KANK1: variants seen among roughly 807,000 people sequenced by gnomAD.
The protein encoded by KANK1 is KN motif and ankyrin repeat domain-containing protein 1.
Under a neutral mutation model 106.2 loss-of-function variants are expected in KANK1, and 109 were observed. That is an observed-to-expected ratio of 1.03 (90% CI 0.88 to 1.20). The LOEUF is 1.20. KANK1 is among the 50% of genes most tolerant of loss of function. The pLI is 0.00. For synonymous variants in KANK1, 873 were observed against 652.2 expected (o/e 1.34, Z -5.16); for missense variants, 2,399 against 1,710.7 (o/e 1.40, Z -7.10).
At chr9:596,223 T>C (rs907129015) in intron 1 of KANK1, among the ~76,000 whole-genome samples, 1 of 151,912 alleles carries the variant, frequency 6.6e-6, no homozygotes, top group Non-Finnish European at 1.5e-5. Flanking sequence ...GGAGCATTTC[T>C]ATTTCAGATT....
At chr9:727,382 C>G (rs1227823742) in intron 3 of KANK1, among the ~76,000 whole-genome samples, 1 of 151,782 alleles carries the variant, frequency 6.6e-6, no homozygotes, top group African/African-American at 2.4e-5. Flanking sequence ...GTGGGACGAT[C>G]TTGGCTCACT....
intron 1 of KANK1, among the ~76,000 whole-genome samples, chr9:641,086 T>C (rs553992957): frequency 2.8e-4 from 43 of 152,270 alleles, no homozygotes; most frequent in Non-Finnish European, 5.4e-4. Context: ...CCAAGAGCCA[T>C]GTTGATAGCC....
intron 1 of KANK1, among the ~76,000 whole-genome samples, chr9:579,636 C>T (rs897912870): frequency 1.1e-4 from 16 of 152,180 alleles, no homozygotes; most frequent in Admixed American, 7.2e-4. Context: ...GTCCAGTGAG[C>T]CATGGTGGGG....
At chr9:580,629 A>G (rs1821835371) in intron 1 of KANK1, among the ~76,000 whole-genome samples, 1 of 152,140 alleles carries the variant, frequency 6.6e-6, no homozygotes, top group African/African-American at 2.4e-5. Context: ...CAGAGTGCTG[A>G]TTGGTGTATT....
chr9:572,448 A>G (rs1389651073), intron 1 of KANK1, among the ~76,000 whole-genome samples: 2 of 152,116 alleles, frequency 1.3e-5, no homozygotes, highest in Non-Finnish European at 2.9e-5. Context: ...GCTACTCGGG[A>G]AGCTGAGACA....
chr9:704,650 T>A (rs1482980369), intron 2 of KANK1, among the ~76,000 whole-genome samples: 1 of 152,138 alleles, frequency 6.6e-6, no homozygotes, highest in African/African-American at 2.4e-5. Context: ...CAATTCCATT[T>A]GCCTTCCAAA....
Position 712,245 on chromosome 9 carries a change from G to C in KANK1, c.1479G>C (p.Gln493His), listed in dbSNP as rs1204764176. ...REMTKLKQEL[Q>H]AAGSRKKVDK... is the part of the protein sequence containing the mutation. ...TGACTAAACTGAAACAAGAGCTGCA[G>C]GCTGCTGGATCGAGGAAAAAGGTTG... Residue 493 changes from glutamine to histidine, a missense_variant, in exon 3 of 12, where the codon CAG (glutamine) becomes CAC (histidine). Gln to His is a conservative substitution (Grantham distance 24, BLOSUM62 0). Transcript: ENST00000382297. The C allele has an allele frequency of 6.2e-7, 1 of 1,614,162 alleles. No individual in the cohort carries two copies. Among genetic ancestry groups the C allele is most frequent in the South Asian group, 1.1e-5 (1 of 91,076 alleles).
chr9:726,913 T>C (rs1330969417), intron 3 of KANK1, among the ~76,000 whole-genome samples: 1 of 152,192 alleles, frequency 6.6e-6, no homozygotes, highest in African/African-American at 2.4e-5. Flanking sequence ...TGAGCCAGGA[T>C]TGCTCCACTG....
chr9:718,348 T>C (rs187272438), intron 3 of KANK1, among the ~76,000 whole-genome samples: 1 of 142,130 alleles, frequency 7.0e-6, no homozygotes, highest in Non-Finnish European at 1.5e-5. Flanking sequence ...GGTCTCACTC[T>C]GTCACCCAGG....
At chr9:658,413 A>C (rs1451075540) in intron 1 of KANK1, among the ~76,000 whole-genome samples, 1 of 151,710 alleles carries the variant, frequency 6.6e-6, no homozygotes, top group Admixed American at 6.6e-5. Context: ...TCTCTTAAAA[A>C]CTCAGTAGCT....
chr9:556,813 C>G (rs1022793927), intron 1 of KANK1, among the ~76,000 whole-genome samples: 2 of 152,166 alleles, frequency 1.3e-5, no homozygotes, highest in Admixed American at 6.5e-5. Context: ...GAATGAGCTG[C>G]TTTCTCGCTT....
chr9:741,642 C>G (rs954613512), intron 9 of KANK1, among the ~76,000 whole-genome samples: 1 of 152,090 alleles, frequency 6.6e-6, no homozygotes, highest in Non-Finnish European at 1.5e-5. Flanking sequence ...CGCCCACCCC[C>G]ACGTCCGGCT....
At position 646,851 on chromosome 9, in the gene KANK1, G is replaced by A. The variant is rs189612832; in HGVS notation, c.-83-30039G>A. ...TGGGACTACAGGTGCATGCCACCAC[G>A]CCTGGCTAATTTTTTTTTGTATTTT... On this transcript the variant is annotated intron_variant, in intron 1 of 11. Transcript: ENST00000382297. 5.4e-3 allele frequency among the ~76,000 whole-genome samples: 765 copies of A among 141,764 alleles called. 57 individuals are homozygous for A. Among genetic ancestry groups the A allele is most frequent in the African/African-American group, 0.02 (678 of 33,502 alleles). The allele number at this position is 141,764 out of a possible 152,430, so 93.0% of individuals were successfully genotyped here.
At chr9:659,826 G>T (rs1201239766) in intron 1 of KANK1, among the ~76,000 whole-genome samples, 2 of 151,948 alleles carry the variant, frequency 1.3e-5, no homozygotes, top group African/African-American at 4.8e-5. Context: ...CATAAGATTT[G>T]GGTGGGGACA....
intron 9 of KANK1, among the ~76,000 whole-genome samples, chr9:741,901 G>T (rs1026761545): frequency 6.6e-6 from 1 of 152,006 alleles, no homozygotes; most frequent in Non-Finnish European, 1.5e-5. Context: ...TTACAGGCGT[G>T]ACCCACCACT....
intron 1 of KANK1, among the ~76,000 whole-genome samples, chr9:591,043 G>T (rs1376770583): frequency 6.6e-6 from 1 of 151,786 alleles, no homozygotes; most frequent in African/African-American, 2.4e-5. Flanking sequence ...TTTATAGACA[G>T]ATGAACATCT....
intron 1 of KANK1, among the ~76,000 whole-genome samples, chr9:585,783 C>T (rs952986407): frequency 2.6e-5 from 4 of 152,048 alleles, no homozygotes; most frequent in African/African-American, 9.7e-5. Flanking sequence ...AACTGATGGG[C>T]ACAAAGGCAG....
Position 745,463 on chromosome 9 carries a change from C to A in KANK1, c.*228C>A. 1 of 462,398 alleles carries A rather than the reference C, an allele frequency of 2.2e-6. No homozygotes were observed. Among genetic ancestry groups the A allele is most frequent in the Non-Finnish European group, 3.9e-6 (1 of 257,890 alleles). 28.6% of individuals were successfully genotyped at this position (462,398 alleles called of 1,614,324 possible). The stretch of plus-strand genomic sequence containing the variant: ...TGTAGGGCACACTTTAACCCAGTCT[C>A]TGTTGCTGTTGAGTCTCTGCTCCGT... On this transcript the variant is annotated 3_prime_UTR_variant, in exon 12 of 12. Coordinates refer to ENST00000382297, the MANE Select transcript of KANK1 (RefSeq NM_015158.5).
rs186680026 is a variant in KANK1 at position 739,031 on chromosome 9, T to C, written c.3553+527T>C. Among the ~76,000 whole-genome samples, 189 of 152,322 alleles carry C rather than the reference T, an allele frequency of 1.2e-3. 2 individuals are homozygous for C. The highest frequency in any genetic ancestry group is 1.9e-4 in the Non-Finnish European group (13 of 68,030). On this transcript the variant is annotated intron_variant, in intron 8 of 11. Transcript: ENST00000382297. ...CCATTCTCACCAAAATATACTGTTATTGGGGAAACAGCATAGAGCAAAGGG... is the reference window on the plus strand; with the variant it reads ...CCATTCTCACCAAAATATACTGTTACTGGGGAAACAGCATAGAGCAAAGGG...
Sources: gnomAD v4.1 joint callset for allele counts (sites outside exome capture counted in the v4.1 genomes callset) on GRCh38, gnomAD v4.1.1 for gene constraint, MANE v1.5 for transcripts, NCBI Gene and HGNC (gene_info 2026-07-23, HGNC 2026-07-21) for gene names.